Variants in SF3B4 observed in about 807,000 individuals in gnomAD.
SF3B4 encodes the protein SAP 49.
Under a neutral mutation model 34.3 loss-of-function variants are expected in SF3B4, and 3 were observed. That is an observed-to-expected ratio of 0.09 (90% confidence interval 0.04 to 0.23). The LOEUF (loss-of-function observed/expected upper bound fraction) is 0.23, where lower values mean the gene tolerates loss of function less well. Among genes scored for constraint, SF3B4 ranks in the 10% least tolerant of loss-of-function variants. The pLI is 1.00. For synonymous variants in SF3B4, 216 were observed against 207.8 expected (o/e 1.04, Z -0.34); for missense variants, 283 against 567.2 (o/e 0.50, Z 5.09).
At chr1:149,927,592 C>T in intron 1 of SF3B4, 134 bp downstream of exon 1, 1 of 1,212,436 alleles carries the variant, frequency 8.2e-7, no homozygotes. Context: ...CCGCCCCCAA[C>T]AGGCAGAGGG....
At chr1:149,927,691 G>A in intron 1 of SF3B4, 35 bp downstream of exon 1, 2 of 1,551,338 alleles carry the variant, frequency 1.3e-6, no homozygotes, top group Non-Finnish European at 8.7e-7. Flanking sequence ...TCCTAGCCAC[G>A]CTGAGCCCAT....
chr1:149,925,371 A>C (rs1553765837), intron 4 of SF3B4, among the ~76,000 whole-genome samples: 1 of 152,176 alleles, frequency 6.6e-6, no homozygotes, highest in East Asian at 1.9e-4. Context: ...ACAAGCACAA[A>C]AATCTAGGCA....
chr1:149,923,872 G>A lies in SF3B4; in HGVS notation c.1056C>T (p.Pro352=). The A allele has an allele frequency of 1.2e-6, 2 of 1,604,714 alleles. No individual in the cohort carries two copies. Among genetic ancestry groups the A allele is most frequent in the Non-Finnish European group, 1.7e-6 (2 of 1,177,138 alleles). The change falls in exon 5 of 6, where the codon CCC becomes CCT. Residue 352 remains proline, a synonymous_variant. Transcript: ENST00000271628. Reference sequence around the variant, plus strand: ...GAGATCCGAATGGAGGCCCTCGGGGGGGCATGCCCATTGGAGGAGGTCCAG... The same window carrying A: ...GAGATCCGAATGGAGGCCCTCGGGGAGGCATGCCCATTGGAGGAGGTCCAG... ...PHPGPPPMGM[P]PRGPPFGSPM... is the part of the protein sequence containing the mutation.
Position 149,923,463 on chromosome 1 carries a change from G to A in SF3B4, c.*79C>T, listed in dbSNP as rs2092567630. 1 of 1,153,164 alleles carries A rather than the reference G, an allele frequency of 8.7e-7. No individual in the cohort carries two copies. Among genetic ancestry groups the A allele is most frequent in the African/African-American group, 1.6e-5 (1 of 61,328 alleles). The allele number at this position is 1,153,164 out of a possible 1,614,324, so 71.4% of individuals were successfully genotyped here. A position where few individuals can be genotyped will look rare whatever the true frequency, so the allele number is the denominator to read the frequency against. ...AAAGGGATTAGTACCTTTGCCCCAA[G>A]GAGCTACAGCATCTCTGATTGGTCC... On this transcript the variant is annotated 3_prime_UTR_variant, in exon 6 of 6. Coordinates refer to ENST00000271628, the MANE Select transcript of SF3B4 (RefSeq NM_005850.5).
Position 149,925,827 on chromosome 1 carries a change from C to T in SF3B4, c.913+9G>A, listed in dbSNP as rs2092586599. 16 of 1,611,564 alleles carry T rather than the reference C, an allele frequency of 9.9e-6. No homozygotes were observed. The highest frequency in any genetic ancestry group is 1.3e-5 in the Non-Finnish European group (15 of 1,177,646). On this transcript the variant is annotated intron_variant, in intron 4 of 5. Coordinates refer to ENST00000271628, the MANE Select transcript of SF3B4 (RefSeq NM_005850.5). ...CTCTTCCCTCCCTTTCCCAACAAAG[C>T]ACACCTACCTGGATGGGGCATCCCA...
intron 4 of SF3B4, among the ~76,000 whole-genome samples, chr1:149,924,267 T>C (rs886108567): frequency 1.3e-5 from 2 of 151,966 alleles, no homozygotes; most frequent in Non-Finnish European, 2.9e-5. Context: ...AGACCCCAGC[T>C]CTATCAAAAA....
Position 149,926,289 on chromosome 1 carries a change from CCT to C in SF3B4, c.706+85_706+86del, listed in dbSNP as rs1453738110. ...CCATCAACTCACTGACTCAATGTCC[CCT>C]GTCCCCCTTTCAGACTTGTTTTCTT... On this transcript the variant is annotated intron_variant, in intron 3 of 5. Coordinates refer to ENST00000271628, the MANE Select transcript of SF3B4 (RefSeq NM_005850.5). The surrounding 1 kb of genome is among the most constrained non-coding windows in gnomAD (Gnocchi z 6.2). 22 of 1,207,362 alleles carry C rather than the reference CCT, an allele frequency of 1.8e-5. No homozygotes were observed. The highest frequency in any genetic ancestry group is 2.5e-5 in the Non-Finnish European group (21 of 856,426). 74.8% of individuals were successfully genotyped at this position (1,207,362 alleles called of 1,614,324 possible). A position where few individuals can be genotyped will look rare whatever the true frequency, so the allele number is the denominator to read the frequency against.
chr1:149,927,471 G>C, intron 1 of SF3B4, 177 bp from the exon 2 acceptor site: 1 of 794,376 alleles, frequency 1.3e-6, no homozygotes, highest in Middle Eastern at 2.5e-4. Context: ...GGAATCCTCT[G>C]AAGTCTAATT....
chr1:149,923,833 C>T lies in SF3B4; in HGVS notation c.1087+8G>A, dbSNP rs374115828. 2.8e-5 allele frequency: 44 copies of T among 1,581,312 alleles called. No homozygotes were observed. The highest frequency in any genetic ancestry group is 3.4e-5 in the Non-Finnish European group (40 of 1,168,420). On this transcript the variant is annotated splice_region_variant and intron_variant, in intron 5 of 5. Transcript: ENST00000271628. Reference sequence around the variant, plus strand: ...TGCAGATGAGGGAGGTGGCTAGAGCCGACTTACCCATGGGAGATCCGAATG... The same window carrying T: ...TGCAGATGAGGGAGGTGGCTAGAGCTGACTTACCCATGGGAGATCCGAATG...
chr1:149,926,809 A>G lies in SF3B4; in HGVS notation c.273T>C (p.Ala91=), dbSNP rs782774028. The change falls in exon 3 of 6, where the codon GCT becomes GCC. Residue 91 remains alanine, a synonymous_variant. Transcript: ENST00000271628. The surrounding 1 kb of genome is among the most constrained non-coding windows in gnomAD (Gnocchi z 6.2). ...CCCCTACATCCAGGTTTTTGTTGTG[A>G]GCTGATGCTTTGTTCACCCGTATTG... The part of the protein sequence containing the change: ...GKPIRVNKAS[A]HNKNLDVGAN... 1 of 1,614,094 alleles carries G rather than the reference A, an allele frequency of 6.2e-7. No individual in the cohort carries two copies. The highest frequency in any genetic ancestry group is 1.1e-5 in the South Asian group (1 of 91,072).
intron 4 of SF3B4, 151 bp downstream of exon 4, chr1:149,925,685 G>A: frequency 1.4e-6 from 1 of 728,194 alleles, no homozygotes; most frequent in Non-Finnish European, 2.5e-6. Context: ...GTAGATGTTA[G>A]AGAGCATTTT....
At chr1:149,924,327 C>T (rs2092575024) in intron 4 of SF3B4, among the ~76,000 whole-genome samples, 2 of 152,062 alleles carry the variant, frequency 1.3e-5, no homozygotes, top group South Asian at 2.1e-4. Context: ...TTCCCAGCTA[C>T]TCAGGAGGCT....
At chr1:149,924,760 G>A (rs1464897125) in intron 4 of SF3B4, among the ~76,000 whole-genome samples, 3 of 152,282 alleles carry the variant, frequency 2.0e-5, no homozygotes, top group South Asian at 4.1e-4. Flanking sequence ...GCAAGTCACA[G>A]GTGTGGCAAA....
chr1:149,924,867 G>A (rs150537724), intron 4 of SF3B4, among the ~76,000 whole-genome samples: 83 of 152,304 alleles, frequency 5.4e-4, no homozygotes, highest in Non-Finnish European at 7.2e-4. Flanking sequence ...ATAAAGAGCT[G>A]TGAATGCTAT....
chr1:149,925,841 T>A lies in SF3B4; in HGVS notation c.908A>T (p.His303Leu). Residue 303 changes from histidine (H) to leucine (L), a missense_variant, in exon 4 of 6, where the codon CAT (histidine) becomes CTT (leucine). Physicochemically the swap from His to Leu is moderately conservative, Grantham distance 99. Around this residue, in one of 4 missense-constraint regions of SF3B4, gnomAD observed 208 missense variants for 292.6 expected, o/e 0.71. Coordinates refer to ENST00000271628, the MANE Select transcript of SF3B4 (RefSeq NM_005850.5). ...TCCCAACAAAGCACACCTACCTGGATGGGGCATCCCACCCGGTGGGAATGG... is the reference window on the plus strand; with the variant it reads ...TCCCAACAAAGCACACCTACCTGGAAGGGGCATCCCACCCGGTGGGAATGG... Reference protein sequence around the residue: ...PHPFPPGGMPHPGMSQMQLAH... With the variant: ...PHPFPPGGMPLPGMSQMQLAH... 6.2e-7 allele frequency: 1 copy of A among 1,613,078 alleles called. No homozygotes were observed. Among genetic ancestry groups the A allele is most frequent in the Non-Finnish European group, 8.5e-7 (1 of 1,179,158 alleles).
intron 4 of SF3B4, among the ~76,000 whole-genome samples, chr1:149,925,498 G>A (rs924417341): frequency 2.6e-5 from 4 of 152,044 alleles, no homozygotes; most frequent in Non-Finnish European, 5.9e-5. Flanking sequence ...GACACAACTA[G>A]TTTCAAGTAT....
chr1:149,927,761 G>A lies in SF3B4; in HGVS notation c.-2C>T, dbSNP rs887943910. On this transcript the variant is annotated 5_prime_UTR_variant, in exon 1 of 6. Transcript: ENST00000271628. ...CTCGGAGATCGGCCCGGCAGCCATG[G>A]CGAAAGAGATCCCGCCGTCTCCCAG... 1.3e-6 allele frequency: 2 copies of A among 1,552,884 alleles called. No individual in the cohort carries two copies. The highest frequency in any genetic ancestry group is 1.7e-6 in the Non-Finnish European group (2 of 1,147,798).
chr1:149,927,454 G>C (rs1162161464), intron 1 of SF3B4, 160 bp from the exon 2 acceptor site: 52 of 839,394 alleles, frequency 6.2e-5, no homozygotes, highest in Non-Finnish European at 8.7e-5. Context: ...CTCTTCCCAG[G>C]ACTTCGGGAA....
At chr1:149,925,376 T>A (rs2092583161) in intron 4 of SF3B4, among the ~76,000 whole-genome samples, 1 of 151,932 alleles carries the variant, frequency 6.6e-6, no homozygotes, top group Admixed American at 6.5e-5. Flanking sequence ...CACAAAAATC[T>A]AGGCACAAGT....
Sources: allele counts gnomAD v4.1 joint callset (sites outside exome capture counted in the v4.1 genomes callset), GRCh38; gene constraint gnomAD v4.1.1; regional missense constraint gnomAD v4.1.1; non-coding constraint Gnocchi (gnomAD v3.1); transcripts MANE v1.5; gene names NCBI Gene and HGNC (gene_info 2026-07-23, HGNC 2026-07-21).